Variants in RUNDC3B observed in about 807,000 individuals in gnomAD.
The protein encoded by RUNDC3B is RUN domain-containing protein 3B.
A neutral mutation model predicts 58.4 loss-of-function variants in RUNDC3B; 33 were observed. That is an observed-to-expected ratio of 0.56 (90% CI 0.43 to 0.75). The LOEUF (loss-of-function observed/expected upper bound fraction) is 0.75. Ranked by LOEUF, RUNDC3B falls within the 30% of genes least tolerant of loss-of-function variation. RUNDC3B has a pLI of 0.00. For synonymous variants in RUNDC3B, 193 were observed against 195.2 expected, an observed-to-expected ratio of 0.99 and a Z score of 0.10; for missense variants, 501 against 535.7, an observed-to-expected ratio of 0.94 and a Z score of 0.64.
intron 6 of RUNDC3B, among the ~76,000 whole-genome samples, chr7:87,753,384 TTA>T (rs1833148059): frequency 6.6e-6 from 1 of 151,728 alleles, no homozygotes; most frequent in Non-Finnish European, 1.5e-5. Context: ...TAGATGTCTA[TTA>T]GGTCCACTTG....
chr7:87,777,690 T>C lies in RUNDC3B; in HGVS notation c.799-108T>C, dbSNP rs1297412464. On this transcript the variant is annotated intron_variant, in intron 7 of 10. Transcript: ENST00000394654. ...ATTTATCAGTAATGCTTTGAAATTG[T>C]TTCATTACAATATAAATAGGAATAG... 21 of 811,030 alleles carry C rather than the reference T, an allele frequency of 2.6e-5. 1 individual carries two copies. In the South Asian group the frequency reaches 3.6e-4, roughly 14 times the overall value. The allele number at this position is 811,030 out of a possible 1,614,324, so 50.2% of individuals were successfully genotyped here.
chr7:87,637,797 C>T lies in RUNDC3B; in HGVS notation c.122+8852C>T, dbSNP rs192711702. Among the ~76,000 whole-genome samples, 453 of 152,016 alleles carry T rather than the reference C, an allele frequency of 3.0e-3. 2 individuals are homozygous for T. The highest frequency in any genetic ancestry group is 0.011 in the African/African-American group (437 of 41,506). On this transcript the variant is annotated intron_variant, in intron 1 of 10. Transcript: ENST00000394654. Reference sequence around the variant, plus strand: ...GTCTTACCAGATTTCTTTATTAATTCTAACAGATTTTTTGCAGTTAAAATT... The same window carrying T: ...GTCTTACCAGATTTCTTTATTAATTTTAACAGATTTTTTGCAGTTAAAATT...
chr7:87,645,618 A>G (rs968690350), intron 1 of RUNDC3B, among the ~76,000 whole-genome samples: 4 of 152,192 alleles, frequency 2.6e-5, no homozygotes, highest in African/African-American at 7.2e-5. Context: ...ATTCCTTTTT[A>G]GGAAACAGAT....
chr7:87,774,307 CAA>C (rs1393322151), intron 7 of RUNDC3B, among the ~76,000 whole-genome samples: 1 of 151,514 alleles, frequency 6.6e-6, no homozygotes, highest in Non-Finnish European at 1.5e-5. Context: ...AGAAAAGAAA[CAA>C]TGAAAATTAA....
intron 8 of RUNDC3B, among the ~76,000 whole-genome samples, chr7:87,790,700 AAGAATGCATCAGAGTCCCTTAAT>A (rs1835479386): frequency 6.6e-6 from 1 of 152,242 alleles, no homozygotes; most frequent in African/African-American, 2.4e-5. Context: ...TGATATACTG[AAGAATGCATCAGAGTCCCTTAAT>A]AGCAGAATTG....
intron 7 of RUNDC3B, among the ~76,000 whole-genome samples, chr7:87,772,314 C>T (rs2130872516): frequency 6.6e-6 from 1 of 151,804 alleles, no homozygotes; most frequent in South Asian, 2.1e-4. Flanking sequence ...TACAGGCCAC[C>T]ACTGAGAGTA....
At chr7:87,826,291 A>G (rs1837802810) in intron 10 of RUNDC3B, among the ~76,000 whole-genome samples, 1 of 152,102 alleles carries the variant, frequency 6.6e-6, no homozygotes, top group Admixed American at 6.5e-5. Flanking sequence ...ATGGTTTTCA[A>G]AAGGGGAGTT....
At chr7:87,757,105 A>G (rs1036631855) in intron 6 of RUNDC3B, among the ~76,000 whole-genome samples, 2 of 152,152 alleles carry the variant, frequency 1.3e-5, no homozygotes, top group Admixed American at 6.5e-5. Flanking sequence ...AAACATAGTC[A>G]GCACCGTGAA....
chr7:87,721,113 T>A (rs1830863727), intron 4 of RUNDC3B, among the ~76,000 whole-genome samples: 1 of 150,618 alleles, frequency 6.6e-6, no homozygotes, highest in African/African-American at 2.4e-5. Context: ...AAAAAGAAAA[T>A]TTTAAGTTAA....
At chr7:87,645,880 G>A (rs1336285847) in intron 1 of RUNDC3B, among the ~76,000 whole-genome samples, 2 of 152,190 alleles carry the variant, frequency 1.3e-5, no homozygotes, top group Non-Finnish European at 2.9e-5. Flanking sequence ...TTTGCCTTCT[G>A]AAATTTTGGG....
At chr7:87,825,879 A>T (rs1837777570) in intron 10 of RUNDC3B, among the ~76,000 whole-genome samples, 1 of 152,170 alleles carries the variant, frequency 6.6e-6, no homozygotes, top group Non-Finnish European at 1.5e-5. Context: ...TGTTTTGGCC[A>T]ATTTCTCCAG....
intron 2 of RUNDC3B, among the ~76,000 whole-genome samples, chr7:87,651,321 A>G (rs992085617): frequency 6.6e-6 from 1 of 152,090 alleles, no homozygotes; most frequent in Admixed American, 6.6e-5. Flanking sequence ...ATCTTTGTAA[A>G]TGTTTTAGCA....
chr7:87,746,020 G>C (rs1198772647), intron 6 of RUNDC3B, among the ~76,000 whole-genome samples: 9 of 151,984 alleles, frequency 5.9e-5, no homozygotes, highest in Non-Finnish European at 1.3e-4. Context: ...TGTTCAGTTT[G>C]AAAAATTTTT....
At chr7:87,784,805 A>T (rs903217446) in intron 8 of RUNDC3B, among the ~76,000 whole-genome samples, 1 of 151,278 alleles carries the variant, frequency 6.6e-6, no homozygotes, top group East Asian at 2.0e-4. Flanking sequence ...GTCTGTTCCT[A>T]GGTTTTGGGG....
intron 2 of RUNDC3B, among the ~76,000 whole-genome samples, chr7:87,664,417 A>G (rs562431543): frequency 2.0e-5 from 3 of 152,200 alleles, no homozygotes; most frequent in Non-Finnish European, 4.4e-5. Context: ...ATCAATTCTC[A>G]AAGGAATACA....
At chr7:87,721,510 A>G (rs1201760862) in intron 4 of RUNDC3B, among the ~76,000 whole-genome samples, 2 of 152,196 alleles carry the variant, frequency 1.3e-5, no homozygotes, top group African/African-American at 4.8e-5. Flanking sequence ...CTAAATTCAA[A>G]TAAATAATAT....
rs185038553 is a variant in RUNDC3B at position 87,668,582 on chromosome 7, A to C, written c.238+17645A>C. On this transcript the variant is annotated intron_variant, in intron 2 of 10. Coordinates refer to ENST00000394654, the MANE Select transcript of RUNDC3B (RefSeq NM_001134405.2). ...GTTGTGAAGGTAGGTTGTTAATTTG[A>C]GATCTCTCTAACTTTTTGATGTGGG... Among the ~76,000 whole-genome samples the C allele has an allele frequency of 2.5e-3, 380 of 151,960 alleles. 12 individuals are homozygous for C. Among genetic ancestry groups the C allele is most frequent in the Admixed American group, 0.022 (334 of 15,260 alleles).
At chr7:87,821,987 A>G (rs1318330978) in intron 10 of RUNDC3B, among the ~76,000 whole-genome samples, 1 of 152,100 alleles carries the variant, frequency 6.6e-6, no homozygotes, top group African/African-American at 2.4e-5. Context: ...ATGGGCAAGG[A>G]CTTCATGTCT....
intron 6 of RUNDC3B, among the ~76,000 whole-genome samples, chr7:87,767,613 T>A (rs1834040123): frequency 6.6e-6 from 1 of 152,194 alleles, no homozygotes; most frequent in Admixed American, 6.5e-5. Context: ...TATCCTCAGA[T>A]TTCTTTATTT....
Sources: gnomAD v4.1 joint callset for allele counts (sites outside exome capture counted in the v4.1 genomes callset) on GRCh38, gnomAD v4.1.1 for gene constraint, MANE v1.5 for transcripts, NCBI Gene and HGNC (gene_info 2026-07-23, HGNC 2026-07-21) for gene names.